Variants in FNDC1 observed in about 807,000 individuals in gnomAD.
The protein encoded by FNDC1 is fibronectin type III domain containing 1.
In FNDC1, 96 loss-of-function variants were observed where a neutral mutation model predicts 168.0. The ratio of observed to expected loss-of-function variants is 0.57; its 90% CI spans 0.48 to 0.68. FNDC1 has a LOEUF of 0.68. Ranked by LOEUF, FNDC1 falls within the 30% of genes least tolerant of loss-of-function variation. The pLI is 0.00. For synonymous variants in FNDC1, 1,099 were observed against 1,025.9 expected, an observed-to-expected ratio of 1.07 and a Z score of -1.36; for missense variants, 2,587 against 2,482.1, an observed-to-expected ratio of 1.04 and a Z score of -0.90.
At chr6:159,269,577 ATCTG>A (rs879656250) in intron 22 of FNDC1, among the ~76,000 whole-genome samples, 1,773 of 112,594 alleles carry the variant, frequency 0.016, 30 homozygotes, top group East Asian at 0.038. Flanking sequence ...CATCTATCCT[ATCTG>A]TCTGTCTGTC....
chr6:159,246,230 TC>T (rs1777118532), intron 14 of FNDC1, among the ~76,000 whole-genome samples: 2 of 152,324 alleles, frequency 1.3e-5, no homozygotes, highest in African/African-American at 4.8e-5. Flanking sequence ...TTTCCAAATT[TC>T]CTATGCAAAT....
In FNDC1 at chr6:159,239,877, CT is replaced by C; in HGVS notation, c.4542del (p.Thr1516ProfsTer11). The C allele has an allele frequency of 6.5e-7, 1 of 1,545,902 alleles. No individual in the cohort carries two copies. Among genetic ancestry groups the C allele is most frequent in the Non-Finnish European group, 8.7e-7 (1 of 1,143,836 alleles). On this transcript the variant is annotated frameshift_variant, in exon 14 of 23. Coordinates refer to ENST00000297267, the MANE Select transcript of FNDC1 (RefSeq NM_032532.3). LOFTEE classifies it high-confidence loss of function. ...TPTTPIPTCP[P>X]GTLERHDDDG... ...ACCACTCCCATCCCCACCTGTCCCCCTGGGACCTTGGAACGGCACGACGATG... is the reference window on the plus strand; with the variant it reads ...ACCACTCCCATCCCCACCTGTCCCCCGGGACCTTGGAACGGCACGACGATG...
chr6:159,264,480 T>C (rs1254943275), intron 19 of FNDC1, among the ~76,000 whole-genome samples: 1 of 152,228 alleles, frequency 6.6e-6, no homozygotes, highest in East Asian at 1.9e-4. Context: ...GTTTACCTAG[T>C]CAGATCACCT....
chr6:159,261,307 C>T lies in FNDC1; in HGVS notation c.5254+38C>T, dbSNP rs75204303. 3.6e-4 allele frequency: 503 copies of T among 1,405,468 alleles called. No homozygotes were observed. In the African/African-American group the frequency reaches 5.1e-3, roughly 14 times the overall value. 87.1% of individuals were successfully genotyped at this position (1,405,468 alleles called of 1,614,324 possible). ...TCACATTCTGATTTGTTTTACTTTT[C>T]GAGAAAATGAAATAAATAATCTAGC... On this transcript the variant is annotated intron_variant, in intron 19 of 22. Coordinates refer to ENST00000297267, the MANE Select transcript of FNDC1 (RefSeq NM_032532.3).
intron 18 of FNDC1, among the ~76,000 whole-genome samples, chr6:159,260,918 C>T (rs139897259): frequency 1.7e-3 from 264 of 152,312 alleles, no homozygotes; most frequent in African/African-American, 6.1e-3. Flanking sequence ...TGCAAAGGAA[C>T]GCGTGCTCAG....
intron 1 of FNDC1, among the ~76,000 whole-genome samples, chr6:159,181,658 A>T (rs769557584): frequency 6.6e-5 from 10 of 152,336 alleles, no homozygotes; most frequent in African/African-American, 2.4e-4. Context: ...AGAAACCACC[A>T]ACTATGTCTG....
chr6:159,205,367 T>C (rs1267925564), intron 4 of FNDC1, among the ~76,000 whole-genome samples: 4 of 152,250 alleles, frequency 2.6e-5, no homozygotes, highest in Admixed American at 2.6e-4. Context: ...TTAAGGCATA[T>C]GATCTTGCTG....
chr6:159,252,207 G>T (rs1777282697), intron 17 of FNDC1, among the ~76,000 whole-genome samples: 1 of 151,918 alleles, frequency 6.6e-6, no homozygotes, highest in South Asian at 2.1e-4. Context: ...GATATTTTCT[G>T]TGAATAATTG....
chr6:159,235,385 C>T (rs1783228857), intron 11 of FNDC1, among the ~76,000 whole-genome samples: 1 of 151,946 alleles, frequency 6.6e-6, no homozygotes, highest in African/African-American at 2.4e-5. Context: ...TAGAACAATG[C>T]CCCATATCAA....
chr6:159,193,211 G>C (rs1782174268), intron 1 of FNDC1, among the ~76,000 whole-genome samples: 1 of 152,002 alleles, frequency 6.6e-6, no homozygotes, highest in African/African-American at 2.4e-5. Context: ...CAAAAATCAG[G>C]GTTTTAGCTT....
At chr6:159,207,460 C>T (rs1782510113) in intron 4 of FNDC1, among the ~76,000 whole-genome samples, 2 of 152,094 alleles carry the variant, frequency 1.3e-5, no homozygotes, top group Non-Finnish European at 2.9e-5. Flanking sequence ...CTGATGAGGC[C>T]AGCATCTTGG....
intron 13 of FNDC1, 21 bp from the exon 14 acceptor site, chr6:159,239,496 T>C (rs1377326456): frequency 6.4e-7 from 1 of 1,562,652 alleles, no homozygotes; most frequent in Non-Finnish European, 8.7e-7. Flanking sequence ...GTTGCATAGC[T>C]ATTGGTTGAT....
At chr6:159,176,867 G>A (rs1467388824) in intron 1 of FNDC1, among the ~76,000 whole-genome samples, 1 of 152,126 alleles carries the variant, frequency 6.6e-6, no homozygotes, top group Non-Finnish European at 1.5e-5. Flanking sequence ...TATTTGTTTG[G>A]GGCCTTCTTC....
At chr6:159,237,956 A>G (rs1366476563) in intron 12 of FNDC1, among the ~76,000 whole-genome samples, 1 of 152,220 alleles carries the variant, frequency 6.6e-6, no homozygotes, top group East Asian at 1.9e-4. Context: ...TGAGAGACAC[A>G]TTGTTTCCTT....
chr6:159,197,128 C>T (rs1782259247), intron 1 of FNDC1, among the ~76,000 whole-genome samples: 1 of 152,136 alleles, frequency 6.6e-6, no homozygotes, highest in African/African-American at 2.4e-5. Flanking sequence ...ATTTGTTATT[C>T]TGTCACTAGC....
chr6:159,246,213 G>C (rs902490298), intron 14 of FNDC1, among the ~76,000 whole-genome samples: 1 of 152,172 alleles, frequency 6.6e-6, no homozygotes, highest in Non-Finnish European at 1.5e-5. Context: ...GCAATGATTG[G>C]CATATGTTTC....
At chr6:159,220,989 C>T (rs143166282) in intron 5 of FNDC1, among the ~76,000 whole-genome samples, 93 of 152,320 alleles carry the variant, frequency 6.1e-4, no homozygotes, top group Non-Finnish European at 1.2e-3. Context: ...AGGGTGCGGG[C>T]AAGAACTGAC....
intron 1 of FNDC1, among the ~76,000 whole-genome samples, chr6:159,183,646 AGAG>A (rs1406192458): frequency 1.3e-5 from 2 of 152,226 alleles, no homozygotes; most frequent in African/African-American, 4.8e-5. Context: ...GAGTTCTGGC[AGAG>A]GAGGAGGAGC....
chr6:159,201,965 G>A (rs1446490461), intron 4 of FNDC1, among the ~76,000 whole-genome samples: 1 of 152,216 alleles, frequency 6.6e-6, no homozygotes, highest in Non-Finnish European at 1.5e-5. Context: ...GTGCACACAT[G>A]TGTATGACCT....
Sources: allele counts gnomAD v4.1 joint callset (sites outside exome capture counted in the v4.1 genomes callset), GRCh38; gene constraint gnomAD v4.1.1; transcripts MANE v1.5; gene names NCBI Gene and HGNC (gene_info 2026-07-23, HGNC 2026-07-21).